Variants in CADPS2 observed in about 807,000 individuals in gnomAD.
CADPS2 encodes calcium dependent secretion activator 2, also known as calcium-dependent secretion activator 2.
Under a neutral mutation model 172.5 loss-of-function variants are expected in CADPS2, and 93 were observed. The observed-to-expected ratio is 0.54, with a 90% confidence interval of 0.46 to 0.64. The LOEUF (loss-of-function observed/expected upper bound fraction) is 0.64. Among genes scored for constraint, CADPS2 ranks in the 30% least tolerant of loss-of-function variants. The pLI is 0.00. For missense variants in CADPS2, 1,420 were observed against 1,565.9 expected (o/e 0.91, Z 1.57); for synonymous variants, 546 against 555.2 (o/e 0.98, Z 0.23).
intron 25 of CADPS2, among the ~76,000 whole-genome samples, chr7:122,373,749 C>T (rs1285756383): frequency 6.6e-6 from 1 of 152,110 alleles, no homozygotes; most frequent in Non-Finnish European, 1.5e-5. Context: ...TATTCAAAAA[C>T]CTCTCAACAA....
intron 2 of CADPS2, among the ~76,000 whole-genome samples, chr7:122,695,298 C>A (rs12154838): frequency 0.19 from 28,936 of 152,150 alleles, 3,469 homozygotes; most frequent in Admixed American, 0.26. Flanking sequence ...TTAATTCTTA[C>A]AAGGAACATA....
At chr7:122,865,681 C>A (rs893947349) in intron 1 of CADPS2, among the ~76,000 whole-genome samples, 8 of 152,242 alleles carry the variant, frequency 5.3e-5, no homozygotes, top group Non-Finnish European at 7.3e-5. Flanking sequence ...GTGTTATTGA[C>A]CCACATTCTC....
At chr7:122,807,029 G>T (rs1319210728) in intron 1 of CADPS2, among the ~76,000 whole-genome samples, 1 of 152,156 alleles carries the variant, frequency 6.6e-6, no homozygotes, top group African/African-American at 2.4e-5. Flanking sequence ...TTGTCATTAG[G>T]GGATACTGTA....
chr7:122,409,854 G>A (rs941917819), intron 19 of CADPS2, among the ~76,000 whole-genome samples: 6 of 152,138 alleles, frequency 3.9e-5, no homozygotes, highest in Admixed American at 3.3e-4. Flanking sequence ...CACCAGGGAG[G>A]AGAAAACCTC....
At chr7:122,747,860 C>T (rs1289281010) in intron 1 of CADPS2, among the ~76,000 whole-genome samples, 1 of 152,110 alleles carries the variant, frequency 6.6e-6, no homozygotes, top group Non-Finnish European at 1.5e-5. Context: ...CTTCCTCTGC[C>T]TAGAATACCA....
chr7:122,649,153 G>C (rs1331145674), intron 3 of CADPS2, among the ~76,000 whole-genome samples: 1 of 151,414 alleles, frequency 6.6e-6, no homozygotes, highest in African/African-American at 2.4e-5. Flanking sequence ...TAACTTTTTA[G>C]CCTCTTCGGC....
At chr7:122,681,845 C>T (rs899390467) in intron 2 of CADPS2, among the ~76,000 whole-genome samples, 4 of 151,724 alleles carry the variant, frequency 2.6e-5, no homozygotes, top group Admixed American at 1.3e-4. Context: ...TGCCTTCTTA[C>T]ATCCTGTTTT....
intron 12 of CADPS2, among the ~76,000 whole-genome samples, chr7:122,478,009 T>G (rs2056901593): frequency 6.6e-6 from 1 of 152,216 alleles, no homozygotes; most frequent in Non-Finnish European, 1.5e-5. Flanking sequence ...CATTAAGATA[T>G]TATCTAGTTT....
At chr7:122,400,688 T>C (rs943846318) in intron 20 of CADPS2, among the ~76,000 whole-genome samples, 1 of 152,186 alleles carries the variant, frequency 6.6e-6, no homozygotes, top group Non-Finnish European at 1.5e-5. Flanking sequence ...TGCATACTTA[T>C]AAAACTAATC....
intron 10 of CADPS2, 57 bp from the exon 11 acceptor site, chr7:122,490,338 C>T: frequency 7.0e-7 from 1 of 1,421,570 alleles, no homozygotes; most frequent in East Asian, 2.3e-5. Context: ...AGATTTTCGT[C>T]TCATTCACTA....
At chr7:122,662,703 T>C (rs1370935611) in intron 3 of CADPS2, among the ~76,000 whole-genome samples, 4 of 152,118 alleles carry the variant, frequency 2.6e-5, no homozygotes, top group Admixed American at 1.3e-4. Context: ...ATAACTAGAA[T>C]AACAACTGAA....
At chr7:122,586,757 C>G (rs539421434) in intron 6 of CADPS2, among the ~76,000 whole-genome samples, 4 of 152,014 alleles carry the variant, frequency 2.6e-5, no homozygotes, top group African/African-American at 9.6e-5. Context: ...ACACACATTC[C>G]TTAATTTATT....
In CADPS2 at chr7:122,407,700, C is replaced by T; in HGVS notation, c.2590-4G>A. On this transcript the variant is annotated splice_polypyrimidine_tract_variant and splice_region_variant and intron_variant, in intron 19 of 29. Transcript: ENST00000449022. ...AATCAGGCCACCAGGCAAATGCCTA[C>T]AAAAGGATAAAAACATAAAGGAGAA... is the stretch of plus-strand genomic sequence containing the variant. The T allele has an allele frequency of 6.2e-7, 1 of 1,602,972 alleles. No individual in the cohort carries two copies. Among genetic ancestry groups the T allele is most frequent in the Non-Finnish European group, 8.5e-7 (1 of 1,174,722 alleles).
intron 1 of CADPS2, among the ~76,000 whole-genome samples, chr7:122,778,042 C>A (rs1447080792): frequency 6.6e-6 from 1 of 151,922 alleles, no homozygotes; most frequent in African/African-American, 2.4e-5. Context: ...ACTTCGGGGG[C>A]TCAGAAGACA....
chr7:122,480,651 T>C (rs181868105), intron 12 of CADPS2, among the ~76,000 whole-genome samples: 67 of 152,318 alleles, frequency 4.4e-4, no homozygotes, highest in Middle Eastern at 6.8e-3. Context: ...CCTGTATGAA[T>C]GGTAGATATT....
chr7:122,713,820 A>G (rs545234755), intron 2 of CADPS2, among the ~76,000 whole-genome samples: 34 of 152,202 alleles, frequency 2.2e-4, no homozygotes, highest in Non-Finnish European at 3.5e-4. Context: ...TACTTATTAT[A>G]CATTTTATAG....
intron 8 of CADPS2, among the ~76,000 whole-genome samples, chr7:122,532,045 C>A (rs2402615): frequency 0.015 from 2,113 of 144,358 alleles, 21 homozygotes; most frequent in East Asian, 0.034. Flanking sequence ...AAAAAAAAAA[C>A]AAAACAAACA....
At chr7:122,331,158 A>G (rs2034879000) in intron 28 of CADPS2, 1 of 150,092 alleles carries the variant, frequency 6.7e-6, no homozygotes, top group Non-Finnish European at 1.5e-5. Flanking sequence ...ATTGTCTGTT[A>G]TTTTTTTTTT....
chr7:122,618,686 A>C (rs2075246196), intron 5 of CADPS2, among the ~76,000 whole-genome samples: 1 of 152,192 alleles, frequency 6.6e-6, no homozygotes, highest in African/African-American at 2.4e-5. Flanking sequence ...TGCCTTTCAG[A>C]GTCTTCTTAG....
Sources: allele counts gnomAD v4.1 joint callset (sites outside exome capture counted in the v4.1 genomes callset), GRCh38; gene constraint gnomAD v4.1.1; transcripts MANE v1.5; gene names NCBI Gene and HGNC (gene_info 2026-07-23, HGNC 2026-07-21).